The following ROR1 variants were observed in gnomAD, a reference collection of about 807,000 sequenced individuals.
ROR1 encodes ROR family WNT receptor 1, also known as inactive tyrosine-protein kinase transmembrane receptor ROR1.
Under a neutral mutation model 78.8 loss-of-function variants are expected in ROR1, and 19 were observed. The ratio of observed to expected loss-of-function variants is 0.24; its 90% CI spans 0.17 to 0.35. The LOEUF is 0.35. Among genes scored for constraint, ROR1 ranks in the 10% least tolerant of loss-of-function variants. The pLI is 1.00. For synonymous variants in ROR1, 386 were observed against 433.6 expected (o/e 0.89, Z 1.36); for missense variants, 917 against 1,177.8 (o/e 0.78, Z 3.24).
intron 1 of ROR1, among the ~76,000 whole-genome samples, chr1:63,974,275 GT>G (rs1646140544): frequency 6.6e-6 from 1 of 152,098 alleles, no homozygotes; most frequent in Non-Finnish European, 1.5e-5. Flanking sequence ...ATCTCTCTGA[GT>G]TTTAGCTTCA....
chr1:63,809,772 A>G (rs776266954), intron 1 of ROR1, among the ~76,000 whole-genome samples: 1 of 152,200 alleles, frequency 6.6e-6, no homozygotes, highest in African/African-American at 2.4e-5. Context: ...ATCTTTGCAA[A>G]CAAAAATCCT....
intron 1 of ROR1, among the ~76,000 whole-genome samples, chr1:63,900,453 C>CAAAAAAA (rs371935993): frequency 9.0e-6 from 1 of 110,678 alleles, no homozygotes; most frequent in Non-Finnish European, 1.8e-5. Context: ...GACTCCATCT[C>CAAAAAAA]AAAAAAAAAA....
chr1:64,049,080 T>C (rs2100590267), intron 2 of ROR1, among the ~76,000 whole-genome samples: 1 of 152,336 alleles, frequency 6.6e-6, no homozygotes, highest in Middle Eastern at 3.4e-3. Flanking sequence ...TTACATATTG[T>C]AACATGTTAT....
chr1:64,014,778 A>ACACC (rs1276655904), intron 2 of ROR1, among the ~76,000 whole-genome samples: 1 of 96,682 alleles, frequency 1.0e-5, no homozygotes, highest in African/African-American at 3.6e-5. Flanking sequence ...ATATATACAC[A>ACACC]TTTTGTCCTG....
At chr1:64,090,022 T>C (rs750083633) in intron 4 of ROR1, among the ~76,000 whole-genome samples, 81 of 152,290 alleles carry the variant, frequency 5.3e-4, no homozygotes, top group South Asian at 1.7e-3. Flanking sequence ...CCATGTAAGA[T>C]GTGCCTTTCA....
intron 8 of ROR1, among the ~76,000 whole-genome samples, chr1:64,166,366 T>A (rs1469040686): frequency 6.6e-6 from 1 of 152,218 alleles, no homozygotes; most frequent in African/African-American, 2.4e-5. Flanking sequence ...TGTGAATTTT[T>A]AAATAGTTTT....
At chr1:64,002,430 G>A (rs763947652) in intron 1 of ROR1, among the ~76,000 whole-genome samples, 3 of 152,166 alleles carry the variant, frequency 2.0e-5, no homozygotes, top group Non-Finnish European at 2.9e-5. Context: ...GGCCTGGTTC[G>A]AGCTTTTTCA....
chr1:64,072,351 G>A (rs1647010760), intron 4 of ROR1, among the ~76,000 whole-genome samples: 1 of 152,050 alleles, frequency 6.6e-6, no homozygotes, highest in African/African-American at 2.4e-5. Flanking sequence ...TGAGGGCTCT[G>A]GACTAAGAGG....
intron 1 of ROR1, among the ~76,000 whole-genome samples, chr1:63,901,623 C>T (rs907100530): frequency 6.6e-6 from 1 of 151,798 alleles, no homozygotes; most frequent in Admixed American, 6.6e-5. Context: ...AAAAAACCAC[C>T]CAGATACATA....
At chr1:63,826,070 G>A (rs1355983827) in intron 1 of ROR1, among the ~76,000 whole-genome samples, 1 of 152,168 alleles carries the variant, frequency 6.6e-6, no homozygotes, top group African/African-American at 2.4e-5. Context: ...AAAGTAGGAG[G>A]CCAGGCACTG....
intron 1 of ROR1, among the ~76,000 whole-genome samples, chr1:64,008,916 A>G (rs559926675): frequency 6.8e-4 from 104 of 152,290 alleles, no homozygotes; most frequent in African/African-American, 2.4e-3. Flanking sequence ...TACAGGTGTG[A>G]GCCACTGTGC....
At chr1:63,817,836 C>G (rs12049209) in intron 1 of ROR1, among the ~76,000 whole-genome samples, 2 of 151,966 alleles carry the variant, frequency 1.3e-5, no homozygotes, top group Non-Finnish European at 2.9e-5. Flanking sequence ...GTGGGATACC[C>G]TGGTTTAAGC....
intron 4 of ROR1, chr1:64,106,019 G>T (rs1453934573): frequency 6.6e-6 from 1 of 152,070 alleles, no homozygotes; most frequent in Non-Finnish European, 1.5e-5. Context: ...GCTTGATGAG[G>T]ATAGCATTGA....
chr1:63,825,162 G>T (rs1644945976), intron 1 of ROR1, among the ~76,000 whole-genome samples: 1 of 152,130 alleles, frequency 6.6e-6, no homozygotes, highest in African/African-American at 2.4e-5. Context: ...TGACCCAGGA[G>T]CTCCAGTCCT....
chr1:63,795,826 C>T (rs921873072), intron 1 of ROR1, among the ~76,000 whole-genome samples: 1 of 152,118 alleles, frequency 6.6e-6, no homozygotes, highest in Non-Finnish European at 1.5e-5. Context: ...GAACTTTCTC[C>T]CCATAAATTA....
Position 64,180,472 on chromosome 1 carries a change from T to G in ROR1, c.*1617T>G, listed in dbSNP as rs919058973. ...AGCATGAGAAATCAAGAAAATATGT[T>G]TACCAAAATGCATTGCAATTTTCCC... On this transcript the variant is annotated 3_prime_UTR_variant, in exon 9 of 9. Coordinates refer to ENST00000371079, the MANE Select transcript of ROR1 (RefSeq NM_005012.4). 2 of 152,202 alleles carry G rather than the reference T, an allele frequency of 1.3e-5. No individual in the cohort carries two copies. The highest frequency in any genetic ancestry group is 2.9e-5 in the Non-Finnish European group (2 of 68,028). 9.4% of individuals were successfully genotyped at this position (152,202 alleles called of 1,614,324 possible). A position where few individuals can be genotyped will look rare whatever the true frequency, so the allele number is the denominator to read the frequency against.
chr1:64,037,672 G>C (rs1301690115), intron 2 of ROR1, among the ~76,000 whole-genome samples: 1 of 152,084 alleles, frequency 6.6e-6, no homozygotes, highest in Non-Finnish European at 1.5e-5. Flanking sequence ...ATTGAATAGG[G>C]GTTTAGGATG....
At chr1:63,945,901 G>A (rs2100463187) in intron 1 of ROR1, among the ~76,000 whole-genome samples, 1 of 152,314 alleles carries the variant, frequency 6.6e-6, no homozygotes. Context: ...GATAATTTTA[G>A]TCCCTCTACT....
chr1:64,022,960 A>G (rs1646576844), intron 2 of ROR1, among the ~76,000 whole-genome samples: 1 of 152,008 alleles, frequency 6.6e-6, no homozygotes, highest in African/African-American at 2.4e-5. Flanking sequence ...TATAAAAAGG[A>G]ATGTTTGGGC....
Sources: gnomAD v4.1 joint callset for allele counts (sites outside exome capture counted in the v4.1 genomes callset) on GRCh38, gnomAD v4.1.1 for gene constraint, MANE v1.5 for transcripts, NCBI Gene and HGNC (gene_info 2026-07-23, HGNC 2026-07-21) for gene names.